UBR3: variants seen among roughly 807,000 people sequenced by gnomAD.
UBR3 encodes the protein ubiquitin protein ligase E3 component n-recognin 3.
Under a neutral mutation model 243.2 loss-of-function variants are expected in UBR3, and 85 were observed. That is an observed-to-expected ratio of 0.35 (90% CI 0.29 to 0.42). The LOEUF is 0.42. Ranked by LOEUF, UBR3 falls within the 10% of genes least tolerant of loss-of-function variation. UBR3 has a pLI of 1.00. For synonymous variants in UBR3, 748 were observed against 799.8 expected (o/e 0.94, Z 1.09); for missense variants, 1,686 against 2,300.8 (o/e 0.73, Z 5.47).
chr2:169,912,376 C>T (rs1280530773), intron 10 of UBR3, among the ~76,000 whole-genome samples: 2 of 152,168 alleles, frequency 1.3e-5, no homozygotes, highest in African/African-American at 4.8e-5. Flanking sequence ...CCAACCTCCC[C>T]TCATCTCTTG....
At chr2:169,973,483 G>A (rs1258118533) in intron 24 of UBR3, among the ~76,000 whole-genome samples, 2 of 151,870 alleles carry the variant, frequency 1.3e-5, no homozygotes, top group Non-Finnish European at 2.9e-5. Flanking sequence ...AAAGAACAAA[G>A]CTGGAGGCAT....
At chr2:170,062,130 A>T (rs2091469646) in intron 35 of UBR3, among the ~76,000 whole-genome samples, 1 of 152,236 alleles carries the variant, frequency 6.6e-6, no homozygotes, top group Admixed American at 6.5e-5. Context: ...TTATAGCAGT[A>T]TTCAGTTTGT....
chr2:169,899,857 T>A (rs2084747060), intron 8 of UBR3, among the ~76,000 whole-genome samples: 1 of 152,208 alleles, frequency 6.6e-6, no homozygotes, highest in Non-Finnish European at 1.5e-5. Flanking sequence ...GCAATAGTAT[T>A]CCATGGTGTA....
intron 23 of UBR3, among the ~76,000 whole-genome samples, chr2:169,955,625 C>A (rs906599733): frequency 2.0e-5 from 3 of 151,624 alleles, no homozygotes; most frequent in Non-Finnish European, 2.9e-5. Context: ...GAAACCCTGT[C>A]TCTACTAAAA....
chr2:169,982,070 C>T (rs1028469343), intron 24 of UBR3, among the ~76,000 whole-genome samples: 10 of 152,052 alleles, frequency 6.6e-5, no homozygotes, highest in Admixed American at 3.3e-4. Flanking sequence ...GTAGCAAGTA[C>T]TTCTCAGTTG....
chr2:169,990,482 T>C (rs2089220326), intron 25 of UBR3, among the ~76,000 whole-genome samples: 1 of 152,072 alleles, frequency 6.6e-6, no homozygotes, highest in Non-Finnish European at 1.5e-5. Context: ...TTCAAAAATA[T>C]ATATAATAAA....
At position 170,061,437 on chromosome 2, in the gene UBR3, C is replaced by G. The variant is rs769001904; in HGVS notation, c.5013C>G (p.Ser1671Arg). 4 of 1,612,398 alleles carry G rather than the reference C, an allele frequency of 2.5e-6. No homozygotes were observed. The Admixed American group carries it at 5.0e-5, about 20-fold the overall frequency. Residue 1671 changes from serine (S) to arginine (R), a missense_variant, in exon 35 of 39, where the codon AGC becomes AGG. By Grantham distance (110) the Ser-to-Arg change is moderately radical (BLOSUM62 -1). This residue lies in a region of UBR3 where 371 missense variants were observed against 422.5 expected (regional missense o/e 0.88). Transcript: ENST00000272793. ...ACCTTTTTGGGGAAGATTTACCTAG[C>G]TGCCAGGTAGATAATTTGGGATATG... ...QHHLFGEDLPSCQEEEEFSVL... is the reference protein window; with the variant it reads ...QHHLFGEDLPRCQEEEEFSVL...
chr2:170,078,911 A>T (rs11680190), intron 36 of UBR3, among the ~76,000 whole-genome samples: 1 of 151,924 alleles, frequency 6.6e-6, no homozygotes. Context: ...TTGGCAAATG[A>T]TGTATTGTAT....
chr2:170,070,994 G>A (rs915548763), intron 35 of UBR3, among the ~76,000 whole-genome samples: 4 of 152,112 alleles, frequency 2.6e-5, no homozygotes, highest in Admixed American at 6.6e-5. Flanking sequence ...GAATATATAT[G>A]AATGGCCAAC....
chr2:169,920,569 T>TC (rs1256123712), intron 11 of UBR3, among the ~76,000 whole-genome samples: 2 of 152,194 alleles, frequency 1.3e-5, no homozygotes, highest in Non-Finnish European at 2.9e-5. Flanking sequence ...GGAACTCCTG[T>TC]CGCCTGCCTT....
intron 26 of UBR3, among the ~76,000 whole-genome samples, chr2:169,995,079 CAT>C (rs1462884150): frequency 6.6e-6 from 1 of 151,928 alleles, no homozygotes; most frequent in African/African-American, 2.4e-5. Flanking sequence ...ATAATGAAAA[CAT>C]ATTAATTTTT....
At chr2:170,045,906 T>C (rs2091073630) in intron 32 of UBR3, among the ~76,000 whole-genome samples, 1 of 152,092 alleles carries the variant, frequency 6.6e-6, no homozygotes, top group Admixed American at 6.6e-5. Context: ...TGAACAGTTA[T>C]GCCTAAATAT....
intron 18 of UBR3, among the ~76,000 whole-genome samples, chr2:169,931,685 G>A (rs2086138128): frequency 6.6e-6 from 1 of 151,972 alleles, no homozygotes; most frequent in Admixed American, 6.6e-5. Flanking sequence ...TTATCCTTTA[G>A]ATTTTTGCCA....
rs563362417 is a variant in UBR3, at chr2:170,052,192, C to G, written c.4661-3268C>G. Among the ~76,000 whole-genome samples the G allele has an allele frequency of 3.9e-5, 6 of 152,274 alleles. No individual in the cohort carries two copies. In the South Asian group the frequency reaches 1.2e-3, roughly 32 times the overall value. ...TCTACCTCCAAAGGTCCATGAAATC[C>G]TATAATTTCTGTCATCTAAATATTT... On this transcript the variant is annotated intron_variant, in intron 32 of 38. Transcript: ENST00000272793.
At chr2:169,979,363 A>G (rs1007923891) in intron 24 of UBR3, among the ~76,000 whole-genome samples, 15 of 152,236 alleles carry the variant, frequency 9.9e-5, no homozygotes, top group Non-Finnish European at 1.9e-4. Context: ...GCTAAGCTTA[A>G]TCTTACCATA....
In UBR3 at chr2:169,954,223, G is replaced by GTCTTGTCTTGTCTTGTCTTC. The variant is rs1311219124; in HGVS notation, c.3545+4162_3545+4163insGTCTTGTCTTGTCTTCTCTT. Among the ~76,000 whole-genome samples, 1,075 of 124,492 alleles carry GTCTTGTCTTGTCTTGTCTTC rather than the reference G, an allele frequency of 8.6e-3. 11 individuals carry two copies. The highest frequency in any genetic ancestry group is 0.02 in the Middle Eastern group (5 of 248). 81.7% of individuals were successfully genotyped at this position (124,492 alleles called of 152,430 possible). A position where few individuals can be genotyped will look rare whatever the true frequency, so the allele number is the denominator to read the frequency against. On this transcript the variant is annotated intron_variant, in intron 23 of 38. Coordinates refer to ENST00000272793, the MANE Select transcript of UBR3 (RefSeq NM_172070.4). ...GTCTTGTCTTGTCTTGTCTTGTCTT[G>GTCTTGTCTTGTCTTGTCTTC]TCTTCTCTTCTTAATTCATTTCTTT...
intron 7 of UBR3, among the ~76,000 whole-genome samples, chr2:169,896,265 G>GT (rs56283141): frequency 3.9e-5 from 6 of 152,084 alleles, no homozygotes; most frequent in Admixed American, 1.3e-4. Flanking sequence ...TCAGGCTTGG[G>GT]GACAGAGCAA....
chr2:170,037,591 T>A (rs1423997754), intron 31 of UBR3, among the ~76,000 whole-genome samples: 1 of 152,162 alleles, frequency 6.6e-6, no homozygotes, highest in Non-Finnish European at 1.5e-5. Context: ...TTTCACCATA[T>A]TGGTCAGGCT....
chr2:169,927,482 T>C lies in UBR3; in HGVS notation c.2424+77T>C. On this transcript the variant is annotated intron_variant, in intron 17 of 38. Coordinates refer to ENST00000272793, the MANE Select transcript of UBR3 (RefSeq NM_172070.4). ...TTTTTTATGATTAATAGTTTATCAA[T>C]TTTTTGATTAATTTTTTTTCAAAGT... 3.5e-6 allele frequency: 4 copies of C among 1,147,674 alleles called. No individual in the cohort carries two copies. In the South Asian group the frequency reaches 6.7e-5, roughly 19 times the overall value. 71.1% of individuals were successfully genotyped at this position (1,147,674 alleles called of 1,614,324 possible).
Sources: gnomAD v4.1 joint callset for allele counts (sites outside exome capture counted in the v4.1 genomes callset) on GRCh38, gnomAD v4.1.1 for gene constraint, gnomAD v4.1.1 regional missense constraint, MANE v1.5 for transcripts, NCBI Gene and HGNC (gene_info 2026-07-23, HGNC 2026-07-21) for gene names.